Variants in PRDM7 observed in about 807,000 individuals in gnomAD.
PRDM7 encodes the protein PR/SET domain 7, also known as histone-lysine N-methyltransferase PRDM7.
Under a neutral mutation model 64.3 loss-of-function variants are expected in PRDM7, and 52 were observed. The ratio of observed to expected loss-of-function variants is 0.81; its 90% confidence interval spans 0.65 to 1.02. The LOEUF is 1.02. PRDM7 is among the 50% of genes least tolerant of loss of function. PRDM7 has a pLI of 0.00. For missense variants in PRDM7, 574 were observed against 597.1 expected, an observed-to-expected ratio of 0.96 and a Z score of 0.40; for synonymous variants, 192 against 210.1, an observed-to-expected ratio of 0.91 and a Z score of 0.74.
chr16:90,069,422 G>A lies in PRDM7; in HGVS notation c.302-2512C>T, dbSNP rs186373646. On this transcript the variant is annotated intron_variant, in intron 4 of 10. Transcript: ENST00000449207. ...AGAACTTCAAGAAGAAAACACAGAGGAAAAGCTTCATGACATTGAAATGAA... is the reference window on the plus strand; with the variant it reads ...AGAACTTCAAGAAGAAAACACAGAGAAAAAGCTTCATGACATTGAAATGAA... Among the ~76,000 whole-genome samples the A allele has an allele frequency of 3.2e-4, 48 of 151,392 alleles. 1 individual carries two copies. Among genetic ancestry groups the A allele is most frequent in the African/African-American group, 1.2e-3 (48 of 40,792 alleles).
chr16:90,060,422 C>T lies in PRDM7; in HGVS notation c.1152G>A (p.Trp384Ter). The T allele has an allele frequency of 6.2e-7, 1 of 1,613,780 alleles. No homozygotes were observed. The highest frequency in any genetic ancestry group is 8.5e-7 in the Non-Finnish European group (1 of 1,179,842). ...AESLGQAVNCWSGMGMSMARN... is the reference protein window; with the variant it reads ...AESLGQAVNC ...TGGCCATACTCATCCCCATACCAGA[C>T]CAGCAGTTCACAGCCTGGCCTAATG... Residue 384 changes from tryptophan to a stop codon, truncating the protein, a stop_gained, in exon 10 of 11, where the codon TGG becomes TGA. Coordinates refer to ENST00000449207, the MANE Select transcript of PRDM7 (RefSeq NM_001098173.2). LOFTEE classifies it high-confidence loss of function.
chr16:90,075,872 T>C lies in PRDM7; in HGVS notation c.39A>G (p.Gly13=), dbSNP rs369555207. 68 of 1,613,976 alleles carry C rather than the reference T, an allele frequency of 4.2e-5. No homozygotes were observed. The highest frequency in any genetic ancestry group is 5.5e-5 in the Non-Finnish European group (65 of 1,179,994). ...GCTTCCGCTCTGTTCTCTCTGTGTC[T>C]CCTTCTGGGCTCTCCTCTTGGGACC... The part of the protein sequence containing the change: ...PERSQEESPE[G]DTERTERKPM... Residue 13 remains glycine (G), a synonymous_variant, in exon 2 of 11, where the codon GGA becomes GGG. Transcript: ENST00000449207. The surrounding 1 kb of genome is among the most constrained non-coding windows in gnomAD (Gnocchi z 4.3).
At position 90,063,595 on chromosome 16, in the gene PRDM7, C is replaced by T. The variant is rs2037819431; in HGVS notation, c.508+17G>A. ...GAGGACATAGAGGGACTAAATTCCC[C>T]TCAAATTTTTTCTTACCCAGTTTTA... On this transcript the variant is annotated intron_variant, in intron 6 of 10. Transcript: ENST00000449207. 6.2e-7 allele frequency: 1 copy of T among 1,612,032 alleles called. No homozygotes were observed. The highest frequency in any genetic ancestry group is 1.3e-5 in the African/African-American group (1 of 74,846).
intron 4 of PRDM7, among the ~76,000 whole-genome samples, chr16:90,068,536 G>A (rs1377024678): frequency 2.7e-5 from 4 of 149,904 alleles, no homozygotes; most frequent in Admixed American, 1.3e-4. Context: ...TCAGGAGGCC[G>A]AGGCAGGAGA....
In PRDM7 at chr16:90,068,157, T is replaced by C. The variant is rs999066840; in HGVS notation, c.302-1247A>G. Among the ~76,000 whole-genome samples, 18 of 150,932 alleles carry C rather than the reference T, an allele frequency of 1.2e-4. 1 individual carries two copies. Among genetic ancestry groups the C allele is most frequent in the Admixed American group, 5.9e-4 (9 of 15,170 alleles). On this transcript the variant is annotated intron_variant, in intron 4 of 10. Transcript: ENST00000449207. ...AGCTGGGCATGGTGGCGGGCACCTATAGTCCCAGCTACTCGGGAGGCTGAG... is the reference window on the plus strand; with the variant it reads ...AGCTGGGCATGGTGGCGGGCACCTACAGTCCCAGCTACTCGGGAGGCTGAG...
At chr16:90,060,753 CCA>C in intron 9 of PRDM7, 130 bp from the exon 10 acceptor site, 2 of 1,268,112 alleles carry the variant, frequency 1.6e-6, no homozygotes, top group Non-Finnish European at 2.3e-6. Flanking sequence ...AAGCCCAACT[CCA>C]GACTTACCTC....
In PRDM7 at chr16:90,057,870, C is replaced by A. The variant is rs2037707562; in HGVS notation, c.*419G>T. 4.1e-5 allele frequency: 62 copies of A among 1,512,904 alleles called. No individual in the cohort carries two copies. In the South Asian group the frequency reaches 6.5e-4, roughly 16 times the overall value. The allele number at this position is 1,512,904 out of a possible 1,614,324, so 93.7% of individuals were successfully genotyped here. Reference sequence around the variant, plus strand: ...TCCTTCCTGCAGACTGGGGCGTCTCCCCTGTGTGTCCTCTGGTGAATGAGG... The same window carrying A: ...TCCTTCCTGCAGACTGGGGCGTCTCACCTGTGTGTCCTCTGGTGAATGAGG... On this transcript the variant is annotated 3_prime_UTR_variant, in exon 11 of 11. Transcript: ENST00000449207.
At chr16:90,076,781 G>C (rs1318084388) in intron 1 of PRDM7, among the ~76,000 whole-genome samples, 1 of 152,020 alleles carries the variant, frequency 6.6e-6, no homozygotes, top group African/African-American at 2.4e-5. Flanking sequence ...AGGAAATTCT[G>C]GGTCTCGGGT....
intron 4 of PRDM7, among the ~76,000 whole-genome samples, chr16:90,073,553 C>A (rs2037992788): frequency 6.6e-6 from 1 of 152,020 alleles, no homozygotes; most frequent in Admixed American, 6.6e-5. Flanking sequence ...GTGCCCGCCA[C>A]CGTGCCTGGC....
Position 90,062,466 on chromosome 16 carries a change from C to G in PRDM7, c.545G>C (p.Ser182Thr). 6.2e-7 allele frequency: 1 copy of G among 1,614,170 alleles called. No individual in the cohort carries two copies. Among genetic ancestry groups the G allele is most frequent in the Non-Finnish European group, 8.5e-7 (1 of 1,180,032 alleles). Residue 182 changes from serine to threonine, a missense_variant, in exon 7 of 11, where the codon AGC becomes ACC. Physicochemically the swap from Ser to Thr is moderately conservative, Grantham distance 58. Coordinates refer to ENST00000449207, the MANE Select transcript of PRDM7 (RefSeq NM_001098173.2). ...RRKETEGKMYSLRERKGHAYK... is the reference protein window; with the variant it reads ...RRKETEGKMYTLRERKGHAYK... ...TGCATGACCCTTTCTTTCTCGCAGGCTATACATCTTTCCTTCAGTCTCCTT... is the reference window on the plus strand; with the variant it reads ...TGCATGACCCTTTCTTTCTCGCAGGGTATACATCTTTCCTTCAGTCTCCTT...
intron 4 of PRDM7, among the ~76,000 whole-genome samples, chr16:90,067,859 G>A (rs1403821169): frequency 6.6e-6 from 1 of 150,854 alleles, no homozygotes; most frequent in Admixed American, 6.6e-5. Context: ...CAAAGTGCTG[G>A]GATTACAGGC....
At position 90,057,563 on chromosome 16, in the gene PRDM7, C is replaced by T. The variant is rs1488265879; in HGVS notation, c.*726G>A. ...AGACAAAATTAATTAGAACAGGAGG[C>T]AAAACACAAAAAATGGAGGGGATCA... On this transcript the variant is annotated 3_prime_UTR_variant, in exon 11 of 11. Coordinates refer to ENST00000449207, the MANE Select transcript of PRDM7 (RefSeq NM_001098173.2). 5 of 423,050 alleles carry T rather than the reference C, an allele frequency of 1.2e-5. No individual in the cohort carries two copies. Among genetic ancestry groups the T allele is most frequent in the Non-Finnish European group, 1.8e-5 (5 of 278,830 alleles). 26.2% of individuals were successfully genotyped at this position (423,050 alleles called of 1,614,324 possible).
chr16:90,064,053 TG>T (rs1413467629), intron 5 of PRDM7, among the ~76,000 whole-genome samples: 2 of 152,050 alleles, frequency 1.3e-5, no homozygotes, highest in African/African-American at 4.8e-5. Context: ...GCAAGATCTG[TG>T]AAAGAAGGGG....
At chr16:90,064,814 G>A (rs575169177) in intron 5 of PRDM7, among the ~76,000 whole-genome samples, 1 of 150,758 alleles carries the variant, frequency 6.6e-6, no homozygotes, top group South Asian at 2.1e-4. Context: ...CATCTCCCAG[G>A]TTCAAGCGAT....
rs376929769 is a variant in PRDM7, at chr16:90,075,855, T to C, written c.56A>G (p.Glu19Gly). ...CCGACTTCTCACCATGGGCTTCCGC[T>C]CTGTTCTCTCTGTGTCTCCTTCTGG... Reference protein sequence around the residue: ...ESPEGDTERTERKPMVKDAFK... With the variant: ...ESPEGDTERTGRKPMVKDAFK... The change falls in exon 2 of 11, where the codon GAG becomes GGG. Residue 19 changes from glutamate (E) to glycine (G), a missense_variant. Physicochemically the swap from Glu to Gly is moderately conservative, Grantham distance 98. Coordinates refer to ENST00000449207, the MANE Select transcript of PRDM7 (RefSeq NM_001098173.2). The surrounding 1 kb of genome is among the most constrained non-coding windows in gnomAD (Gnocchi z 4.3). 1.9e-6 allele frequency: 3 copies of C among 1,613,876 alleles called. No homozygotes were observed. The highest frequency in any genetic ancestry group is 1.3e-5 in the African/African-American group (1 of 74,922).
At chr16:90,066,721 T>C in intron 5 of PRDM7, 140 bp downstream of exon 5, 2 of 694,002 alleles carry the variant, frequency 2.9e-6, no homozygotes, top group Non-Finnish European at 5.0e-6. Context: ...CTTAAAATAA[T>C]GATGATGGCA....
chr16:90,069,244 G>T (rs1197090842), intron 4 of PRDM7, among the ~76,000 whole-genome samples: 1 of 150,986 alleles, frequency 6.6e-6, no homozygotes. Flanking sequence ...ATGATGCCAA[G>T]ACTACACAAT....
intron 4 of PRDM7, among the ~76,000 whole-genome samples, chr16:90,070,975 A>T (rs1167000322): frequency 6.6e-6 from 1 of 152,248 alleles, no homozygotes; most frequent in Non-Finnish European, 1.5e-5. Flanking sequence ...CCACAATGAG[A>T]TATCACCTTA....
In PRDM7 at chr16:90,067,394, T is replaced by C. The variant is rs756049329; in HGVS notation, c.302-484A>G. ...AAGGCCTATGCTTCTATTGGGGGCA[T>C]TGCTAATTTTCTTAAGATTTAAAAA... On this transcript the variant is annotated intron_variant, in intron 4 of 10. Coordinates refer to ENST00000449207, the MANE Select transcript of PRDM7 (RefSeq NM_001098173.2). Among the ~76,000 whole-genome samples, 23 of 151,108 alleles carry C rather than the reference T, an allele frequency of 1.5e-4. 1 individual carries two copies. The highest frequency in any genetic ancestry group is 3.4e-4 in the Non-Finnish European group (23 of 67,958).
Sources: allele counts gnomAD v4.1 joint callset (sites outside exome capture counted in the v4.1 genomes callset), GRCh38; gene constraint gnomAD v4.1.1; non-coding constraint Gnocchi (gnomAD v3.1); transcripts MANE v1.5; gene names NCBI Gene and HGNC (gene_info 2026-07-23, HGNC 2026-07-21).